SNAP91: variants seen among roughly 807,000 people sequenced by gnomAD.
The protein encoded by SNAP91 is clathrin coat assembly protein AP180.
In SNAP91, 27 loss-of-function variants were observed where a neutral mutation model predicts 100.3. The ratio of observed to expected loss-of-function variants is 0.27; its 90% CI spans 0.20 to 0.37. The LOEUF (loss-of-function observed/expected upper bound fraction) is 0.37, where lower values mean the gene tolerates loss of function less well. Ranked by LOEUF, SNAP91 falls within the 10% of genes least tolerant of loss-of-function variation. The pLI, the probability that SNAP91 is intolerant of heterozygous loss-of-function variation, is 1.00. For synonymous variants in SNAP91, 404 were observed against 398.6 expected, an observed-to-expected ratio of 1.01 and a Z score of -0.16; for missense variants, 986 against 1,123.7, an observed-to-expected ratio of 0.88 and a Z score of 1.75.
intron 2 of SNAP91, among the ~76,000 whole-genome samples, chr6:83,697,324 GCA>G (rs57251608): frequency 0.045 from 6,271 of 138,010 alleles, 160 homozygotes; most frequent in African/African-American, 0.08. Context: ...GAAAATAGCT[GCA>G]CACACACACA....
chr6:83,638,825 C>A (rs1168286553), intron 8 of SNAP91, among the ~76,000 whole-genome samples: 1 of 152,146 alleles, frequency 6.6e-6, no homozygotes, highest in African/African-American at 2.4e-5. Flanking sequence ...TTTCTGTCTG[C>A]AAATATTCTG....
Position 83,612,297 on chromosome 6 carries a change from A to AC in SNAP91, c.885-1621dup, listed in dbSNP as rs138811548. ...AATATCTACAGTAAATTCCTTAAGA[A>AC]CCTAAAAATCTAGTACAGCATACGG... On this transcript the variant is annotated intron_variant, in intron 11 of 29. Coordinates refer to ENST00000369694, the MANE Select transcript of SNAP91 (RefSeq NM_001242792.2). Among the ~76,000 whole-genome samples, 738 of 152,174 alleles carry AC rather than the reference A, an allele frequency of 4.8e-3. 9 individuals are homozygous for AC. The highest frequency in any genetic ancestry group is 0.017 in the African/African-American group (705 of 41,528).
chr6:83,607,995 A>C (rs926077990), intron 12 of SNAP91, among the ~76,000 whole-genome samples, 187 bp from the exon 13 acceptor site: 3 of 152,200 alleles, frequency 2.0e-5, no homozygotes, highest in Non-Finnish European at 4.4e-5. Flanking sequence ...ATTGGCTAAA[A>C]CATGTTACAA....
chr6:83,703,991 G>A (rs934045809), intron 2 of SNAP91, among the ~76,000 whole-genome samples: 1 of 152,178 alleles, frequency 6.6e-6, no homozygotes, highest in African/African-American at 2.4e-5. Context: ...ACCTGCAGAT[G>A]TTACTTTGGA....
intron 4 of SNAP91, 59 bp from the exon 5 acceptor site, chr6:83,661,663 G>A (rs1438776767): frequency 3.2e-6 from 3 of 952,146 alleles, no homozygotes; most frequent in East Asian, 2.5e-5. Context: ...ACTGTGCTTT[G>A]CATAGTACTA....
chr6:83,636,815 C>G (rs2097471341), intron 8 of SNAP91, among the ~76,000 whole-genome samples: 1 of 152,162 alleles, frequency 6.6e-6, no homozygotes, highest in Non-Finnish European at 1.5e-5. Context: ...TGTCAATTTG[C>G]TTTCATTTGG....
chr6:83,617,241 C>T (rs1019250694), intron 9 of SNAP91, among the ~76,000 whole-genome samples: 5 of 152,028 alleles, frequency 3.3e-5, no homozygotes, highest in African/African-American at 9.7e-5. Flanking sequence ...AGACTTAACT[C>T]CACTGCATAA....
intron 26 of SNAP91, among the ~76,000 whole-genome samples, chr6:83,562,471 T>C (rs1446796921): frequency 2.0e-5 from 3 of 152,212 alleles, no homozygotes; most frequent in Admixed American, 6.5e-5. Context: ...TATCTCAGCA[T>C]CTATTTTGGA....
At chr6:83,618,469 T>A (rs1306766513) in intron 9 of SNAP91, among the ~76,000 whole-genome samples, 1 of 151,722 alleles carries the variant, frequency 6.6e-6, no homozygotes, top group Non-Finnish European at 1.5e-5. Flanking sequence ...ACTTAATAAA[T>A]TCTAATAAAA....
intron 2 of SNAP91, among the ~76,000 whole-genome samples, chr6:83,690,999 G>T (rs1433867083): frequency 1.3e-5 from 2 of 151,910 alleles, no homozygotes; most frequent in African/African-American, 4.8e-5. Context: ...CTCAAAAATG[G>T]TACCTCTAAG....
At chr6:83,689,934 TTG>T (rs1332415861) in intron 2 of SNAP91, among the ~76,000 whole-genome samples, 3 of 152,144 alleles carry the variant, frequency 2.0e-5, no homozygotes, top group East Asian at 3.8e-4. Flanking sequence ...ATTACTATAA[TTG>T]TCTCATTTTT....
chr6:83,694,438 T>G (rs761288114), intron 2 of SNAP91, among the ~76,000 whole-genome samples: 1 of 152,208 alleles, frequency 6.6e-6, no homozygotes, highest in South Asian at 2.1e-4. Context: ...AAAATTAAGC[T>G]TGTAGCATGC....
At chr6:83,662,650 A>C (rs1053186601) in intron 3 of SNAP91, among the ~76,000 whole-genome samples, 3 of 152,138 alleles carry the variant, frequency 2.0e-5, no homozygotes, top group Non-Finnish European at 4.4e-5. Context: ...ACTACAATTT[A>C]TTAGGATTCA....
intron 9 of SNAP91, 84 bp downstream of exon 9, chr6:83,623,217 G>A (rs921417216): frequency 2.8e-6 from 3 of 1,080,320 alleles, no homozygotes; most frequent in African/African-American, 1.6e-5. Context: ...TGCATGAAAT[G>A]CTTACAAGAC....
intron 26 of SNAP91, among the ~76,000 whole-genome samples, chr6:83,566,889 A>G (rs1034918031): frequency 8.5e-5 from 13 of 152,198 alleles, no homozygotes; most frequent in Admixed American, 8.5e-4. Flanking sequence ...ATCAGCCAAT[A>G]AAAGTTCATG....
chr6:83,648,952 G>C (rs1299043632), intron 7 of SNAP91, among the ~76,000 whole-genome samples: 12 of 152,064 alleles, frequency 7.9e-5, no homozygotes, highest in Admixed American at 3.3e-4. Context: ...AGTCCAATTT[G>C]TTAACTTTCT....
At chr6:83,692,700 C>T (rs2099146981) in intron 2 of SNAP91, among the ~76,000 whole-genome samples, 1 of 152,088 alleles carries the variant, frequency 6.6e-6, no homozygotes, top group Non-Finnish European at 1.5e-5. Context: ...TTCCACCACC[C>T]CCAAGGTCCT....
intron 22 of SNAP91, among the ~76,000 whole-genome samples, chr6:83,587,999 T>C (rs1046701652): frequency 6.6e-6 from 1 of 152,200 alleles, no homozygotes; most frequent in Non-Finnish European, 1.5e-5. Flanking sequence ...ATTTTTGTTT[T>C]TTGTTTTCAG....
chr6:83,592,468 T>C lies in SNAP91; in HGVS notation c.1917A>G (p.Ile639Met). The C allele has an allele frequency of 6.2e-7, 1 of 1,611,986 alleles. No homozygotes were observed. The highest frequency in any genetic ancestry group is 8.5e-7 in the Non-Finnish European group (1 of 1,178,894). Residue 639 changes from isoleucine (I) to methionine (M), a missense_variant, in exon 21 of 30, where the codon ATA (isoleucine) becomes ATG (methionine). Physicochemically the swap from Ile to Met is conservative, Grantham distance 10. Around this residue, in one of 4 missense-constraint regions of SNAP91, gnomAD observed 575 missense variants for 579.9 expected, o/e 0.99. Transcript: ENST00000369694. ...SPAKVDSSGV[I>M]DLFGDAFGSS... ...AGAAATACGCACCCCCAAAAAGGTC[T>C]ATGACACCTGAAGAATCCACCTTTG...
Sources: gnomAD v4.1 joint callset for allele counts (sites outside exome capture counted in the v4.1 genomes callset) on GRCh38, gnomAD v4.1.1 for gene constraint, gnomAD v4.1.1 regional missense constraint, MANE v1.5 for transcripts, NCBI Gene and HGNC (gene_info 2026-07-23, HGNC 2026-07-21) for gene names.